The following APBA1 variants were observed in gnomAD, a reference collection of about 807,000 sequenced individuals.
APBA1 encodes amyloid-beta A4 precursor protein-binding family A member 1.
In APBA1, 55 loss-of-function variants were observed where a neutral mutation model predicts 86.6. The observed-to-expected ratio is 0.64, with a 90% CI of 0.51 to 0.80. The LOEUF is 0.80. Ranked by LOEUF, APBA1 falls within the 30% of genes least tolerant of loss-of-function variation. The pLI, the probability that APBA1 is intolerant of heterozygous loss-of-function variation, is 0.00. For missense variants in APBA1, 1,090 were observed against 1,183.0 expected, an observed-to-expected ratio of 0.92 and a Z score of 1.15; for synonymous variants, 511 against 493.9, an observed-to-expected ratio of 1.03 and a Z score of -0.46.
chr9:69,556,146 C>T (rs116279165), intron 1 of APBA1, among the ~76,000 whole-genome samples: 131 of 152,240 alleles, frequency 8.6e-4, no homozygotes, highest in Middle Eastern at 3.4e-3. Context: ...TTCATAGGAA[C>T]CCTTAAAGCA....
intron 1 of APBA1, among the ~76,000 whole-genome samples, chr9:69,659,766 C>A (rs182407560): frequency 2.4e-3 from 365 of 152,292 alleles, no homozygotes; most frequent in South Asian, 9.3e-3. Context: ...ACATCATCTA[C>A]CATAGCAGTA....
At chr9:69,588,025 CAAA>C (rs35212894) in intron 1 of APBA1, among the ~76,000 whole-genome samples, 4 of 106,676 alleles carry the variant, frequency 3.7e-5, no homozygotes, top group Admixed American at 3.2e-4. Flanking sequence ...GACTCTGTCT[CAAA>C]AAAAAAAAAA....
chr9:69,554,204 A>C (rs1836828411), intron 1 of APBA1, among the ~76,000 whole-genome samples: 1 of 152,238 alleles, frequency 6.6e-6, no homozygotes, highest in Non-Finnish European at 1.5e-5. Context: ...TGATTCTTCC[A>C]TAGGACACAT....
intron 1 of APBA1, among the ~76,000 whole-genome samples, chr9:69,649,027 T>A (rs542381528): frequency 2.3e-4 from 35 of 152,306 alleles, no homozygotes; most frequent in African/African-American, 8.4e-4. Flanking sequence ...TCTTGCTATT[T>A]CCTCACCTCC....
chr9:69,597,064 T>C (rs1194308291), intron 1 of APBA1, among the ~76,000 whole-genome samples: 1 of 152,342 alleles, frequency 6.6e-6, no homozygotes, highest in Admixed American at 6.5e-5. Flanking sequence ...AAGGGACTAA[T>C]ACATTACAGA....
At chr9:69,584,441 T>A (rs1233175574) in intron 1 of APBA1, among the ~76,000 whole-genome samples, 1 of 152,246 alleles carries the variant, frequency 6.6e-6, no homozygotes, top group Non-Finnish European at 1.5e-5. Context: ...TGTTTACTAA[T>A]GTACCATTAT....
chr9:69,623,180 A>C (rs1822854982), intron 1 of APBA1, among the ~76,000 whole-genome samples: 1 of 152,104 alleles, frequency 6.6e-6, no homozygotes, highest in Non-Finnish European at 1.5e-5. Flanking sequence ...AGTTGTTTTG[A>C]AACATGGATC....
chr9:69,514,020 G>A (rs1342446559), intron 2 of APBA1, among the ~76,000 whole-genome samples: 1 of 152,190 alleles, frequency 6.6e-6, no homozygotes, highest in Non-Finnish European at 1.5e-5. Flanking sequence ...GAAGCAGAGA[G>A]AATCTTTATA....
chr9:69,622,410 G>C (rs1822838565), intron 1 of APBA1, among the ~76,000 whole-genome samples: 1 of 152,182 alleles, frequency 6.6e-6, no homozygotes, highest in Non-Finnish European at 1.5e-5. Flanking sequence ...AGGTAGGTCT[G>C]GCTAGGTTTC....
chr9:69,545,627 G>T (rs376390810), intron 1 of APBA1, among the ~76,000 whole-genome samples: 14 of 152,154 alleles, frequency 9.2e-5, no homozygotes, highest in African/African-American at 3.1e-4. Context: ...TCTCCCTCTG[G>T]ATTCTAAACA....
At chr9:69,499,547 C>T (rs568263343) in intron 2 of APBA1, among the ~76,000 whole-genome samples, 8 of 152,102 alleles carry the variant, frequency 5.3e-5, no homozygotes, top group South Asian at 2.1e-4. Flanking sequence ...CAGTTCTTTT[C>T]GCTCGCCCTT....
intron 1 of APBA1, among the ~76,000 whole-genome samples, chr9:69,656,877 C>T (rs1423993228): frequency 7.4e-6 from 1 of 135,552 alleles, no homozygotes; most frequent in African/African-American, 2.7e-5. Context: ...CTCGCTCTGT[C>T]GCCCAGGCCG....
chr9:69,436,296 T>C (rs1217772584), intron 11 of APBA1, among the ~76,000 whole-genome samples: 1 of 150,380 alleles, frequency 6.6e-6, no homozygotes, highest in Non-Finnish European at 1.5e-5. Flanking sequence ...TTTAAAGTAG[T>C]TTTTTCCAAT....
intron 1 of APBA1, among the ~76,000 whole-genome samples, chr9:69,554,216 C>G (rs992983637): frequency 6.6e-6 from 1 of 152,188 alleles, no homozygotes; most frequent in Non-Finnish European, 1.5e-5. Flanking sequence ...AGGACACATA[C>G]TATCTTTAAT....
chr9:69,622,581 G>GA (rs5898087), intron 1 of APBA1, among the ~76,000 whole-genome samples: 132,950 of 148,294 alleles, frequency 0.9, 60,305 homozygotes, highest in East Asian at 1. Flanking sequence ...CAAGTCATAA[G>GA]AAAAAAAAAA....
At chr9:69,434,549 A>C (rs1834664461) in intron 11 of APBA1, among the ~76,000 whole-genome samples, 1 of 152,128 alleles carries the variant, frequency 6.6e-6, no homozygotes, top group Admixed American at 6.5e-5. Flanking sequence ...TCTACTAAAA[A>C]TACAAAAATT....
chr9:69,669,540 G>A (rs992845878), intron 1 of APBA1, among the ~76,000 whole-genome samples: 14 of 152,152 alleles, frequency 9.2e-5, no homozygotes, highest in East Asian at 3.9e-4. Flanking sequence ...ATACCAGTCC[G>A]ATCTTTAGAA....
At chr9:69,510,405 C>G (rs1475675886) in intron 2 of APBA1, among the ~76,000 whole-genome samples, 3 of 143,964 alleles carry the variant, frequency 2.1e-5, no homozygotes, top group Non-Finnish European at 4.6e-5. Flanking sequence ...CAAACCACTG[C>G]TCAAGGAAAT....
intron 1 of APBA1, among the ~76,000 whole-genome samples, chr9:69,641,986 C>T (rs1823297135): frequency 6.6e-6 from 1 of 152,222 alleles, no homozygotes; most frequent in South Asian, 2.1e-4. Flanking sequence ...GTTGGGACTA[C>T]AGGCACACGC....
Sources: gnomAD v4.1 joint callset for allele counts (sites outside exome capture counted in the v4.1 genomes callset) on GRCh38, gnomAD v4.1.1 for gene constraint, MANE v1.5 for transcripts, NCBI Gene and HGNC (gene_info 2026-07-23, HGNC 2026-07-21) for gene names.